LGSN: variants seen among roughly 807,000 people sequenced by gnomAD.
LGSN encodes lengsin.
In LGSN, 21 loss-of-function variants were observed where a neutral mutation model predicts 19.5. The ratio of observed to expected loss-of-function variants is 1.07; its 90% CI spans 0.76 to 1.55. The LOEUF (loss-of-function observed/expected upper bound fraction) is 1.55. Among genes scored for constraint, LGSN ranks in the 40% most tolerant of loss-of-function variants. LGSN has a pLI of 0.00. For missense variants in LGSN, 673 were observed against 608.5 expected (o/e 1.11, Z -1.12); for synonymous variants, 257 against 215.6 (o/e 1.19, Z -1.68).
At chr6:63,537,196 A>C in the LGSN span, among the ~76,000 whole-genome samples, 2 of 152,212 alleles carry the variant, frequency 1.3e-5, no homozygotes, top group African/African-American at 4.8e-5. Context: ...TGGGGACAGT[A>C]GAAGTATTTC....
At chr6:63,427,470 T>C in the LGSN span, among the ~76,000 whole-genome samples, 3 of 152,282 alleles carry the variant, frequency 2.0e-5, no homozygotes, top group Admixed American at 1.3e-4. Flanking sequence ...AGGCAGATTA[T>C]AGGAGAAAAA....
At chr6:63,504,244 C>CTTTTT in the LGSN span, among the ~76,000 whole-genome samples, 6 of 144,140 alleles carry the variant, frequency 4.2e-5, no homozygotes, top group Non-Finnish European at 7.6e-5. Context: ...TCAAGCGATT[C>CTTTTT]TTTTTTTTTT....
At chr6:63,308,603 T>A (rs1336720776) in intron 1 of LGSN, among the ~76,000 whole-genome samples, 1 of 147,456 alleles carries the variant, frequency 6.8e-6, no homozygotes, top group African/African-American at 2.6e-5. Context: ...GTTACCTTTT[T>A]AATGTCAATA....
chr6:63,562,769 T>A, the LGSN span, among the ~76,000 whole-genome samples: 1 of 152,382 alleles, frequency 6.6e-6, no homozygotes, highest in African/African-American at 2.4e-5. Context: ...CCCGCTGCTA[T>A]ATTCTCAAAA....
the LGSN span, among the ~76,000 whole-genome samples, chr6:63,412,507 AAAG>A: frequency 2.9e-4 from 33 of 115,218 alleles, no homozygotes; most frequent in African/African-American, 1.4e-3. Flanking sequence ...AGAAAGAAAG[AAAG>A]AAAGAAAGAA....
At chr6:63,322,345 G>A (rs1464547917), upstream of LGSN, among the ~76,000 whole-genome samples, 10 of 152,098 alleles carry the variant, frequency 6.6e-5, no homozygotes, top group Admixed American at 6.5e-4. Flanking sequence ...TGAGACCAAG[G>A]GAATAACTGA....
At chr6:63,450,804 C>T in the LGSN span, among the ~76,000 whole-genome samples, 2 of 151,742 alleles carry the variant, frequency 1.3e-5, no homozygotes, top group Admixed American at 6.6e-5. Flanking sequence ...ACCTGAGTAG[C>T]TGGGACTGCA....
At chr6:63,349,685 G>A in the LGSN span, among the ~76,000 whole-genome samples, 70 of 152,334 alleles carry the variant, frequency 4.6e-4, no homozygotes, top group African/African-American at 1.6e-3. Flanking sequence ...GAAGCTGAAA[G>A]TGCCCTTGGC....
the LGSN span, among the ~76,000 whole-genome samples, chr6:63,557,925 T>G: frequency 2.6e-5 from 4 of 151,950 alleles, no homozygotes; most frequent in African/African-American, 9.7e-5. Context: ...AGTCTTGCTC[T>G]GTCACCCAGG....
chr6:63,427,662 A>C, the LGSN span, among the ~76,000 whole-genome samples: 1 of 152,220 alleles, frequency 6.6e-6, no homozygotes, highest in Admixed American at 6.5e-5. Context: ...CCAGCAATTC[A>C]GAGGTTTTAT....
At chr6:63,454,356 C>A in the LGSN span, among the ~76,000 whole-genome samples, 3 of 152,042 alleles carry the variant, frequency 2.0e-5, no homozygotes, top group African/African-American at 7.2e-5. Context: ...AATATTAAAC[C>A]CCAGTTCTTT....
intron 2 of LGSN, among the ~76,000 whole-genome samples, chr6:63,286,837 C>T (rs1767559065): frequency 6.6e-6 from 1 of 152,212 alleles, no homozygotes; most frequent in East Asian, 1.9e-4. Flanking sequence ...TCATCAATAA[C>T]ATATGACCTA....
At chr6:63,412,497 A>G in the LGSN span, among the ~76,000 whole-genome samples, 1 of 103,496 alleles carries the variant, frequency 9.7e-6, no homozygotes, top group African/African-American at 4.8e-5. Context: ...AAAGAAAGAA[A>G]GAAAGAAAGA....
At chr6:63,392,881 CTTTT>C in the LGSN span, among the ~76,000 whole-genome samples, 4 of 109,936 alleles carry the variant, frequency 3.6e-5, no homozygotes, top group African/African-American at 1.6e-4. Context: ...TCTTCTTCTT[CTTTT>C]TTTTTTTTTT....
At chr6:63,368,602 C>CA in the LGSN span, among the ~76,000 whole-genome samples, 2 of 152,204 alleles carry the variant, frequency 1.3e-5, no homozygotes, top group African/African-American at 4.8e-5. Flanking sequence ...ACTCCACACA[C>CA]GCAGCATGTT....
chr6:63,491,746 T>C, the LGSN span, among the ~76,000 whole-genome samples: 1 of 152,160 alleles, frequency 6.6e-6, no homozygotes, highest in Admixed American at 6.6e-5. Flanking sequence ...AATTCACATA[T>C]GTGGCCGGGC....
At chr6:63,363,086 TC>T in the LGSN span, among the ~76,000 whole-genome samples, 1 of 152,194 alleles carries the variant, frequency 6.6e-6, no homozygotes, top group African/African-American at 2.4e-5. Flanking sequence ...GCAAACAGGG[TC>T]TGGAGTGGAC....
At chr6:63,528,754 C>A in the LGSN span, among the ~76,000 whole-genome samples, 1 of 149,268 alleles carries the variant, frequency 6.7e-6, no homozygotes, top group East Asian at 2.0e-4. Context: ...CAGAGTGAGA[C>A]CCTGTCTCAA....
At chr6:63,474,099 C>T in the LGSN span, among the ~76,000 whole-genome samples, 2 of 152,054 alleles carry the variant, frequency 1.3e-5, no homozygotes, top group Non-Finnish European at 2.9e-5. Context: ...GAGAACTTGG[C>T]CCATATTATG....
Sources: gnomAD v4.1 joint callset for allele counts (sites outside exome capture counted in the v4.1 genomes callset) on GRCh38, gnomAD v4.1.1 for gene constraint, MANE v1.5 for transcripts, NCBI Gene and HGNC (gene_info 2026-07-23, HGNC 2026-07-21) for gene names.